ERBB4: variants seen among roughly 807,000 people sequenced by gnomAD.
ERBB4 encodes receptor tyrosine-protein kinase erbB-4.
Under a neutral mutation model 158.0 loss-of-function variants are expected in ERBB4, and 42 were observed. The observed-to-expected ratio is 0.27, with a 90% CI of 0.21 to 0.34. The LOEUF (loss-of-function observed/expected upper bound fraction) is 0.34, where lower values mean the gene tolerates loss of function less well. ERBB4 is among the 10% of genes least tolerant of loss of function. The pLI, the probability that ERBB4 is intolerant of heterozygous loss-of-function variation, is 1.00. For missense variants in ERBB4, 1,333 were observed against 1,624.1 expected (o/e 0.82, Z 3.08); for synonymous variants, 583 against 558.7 (o/e 1.04, Z -0.61).
intron 7 of ERBB4, among the ~76,000 whole-genome samples, chr2:211,719,805 A>C (rs2106113365): frequency 6.6e-6 from 1 of 151,160 alleles, no homozygotes; most frequent in African/African-American, 2.4e-5. Context: ...CAGTGAGCCG[A>C]GATCATACTA....
chr2:212,209,121 A>T (rs2082854209), intron 1 of ERBB4, among the ~76,000 whole-genome samples: 1 of 152,132 alleles, frequency 6.6e-6, no homozygotes, highest in African/African-American at 2.4e-5. Flanking sequence ...ATTTCTTCAC[A>T]TGCAGACTCA....
chr2:212,030,974 A>G (rs953927793), intron 2 of ERBB4, among the ~76,000 whole-genome samples: 1 of 152,092 alleles, frequency 6.6e-6, no homozygotes, highest in African/African-American at 2.4e-5. Flanking sequence ...ACACCAGGCT[A>G]CCATTCCAGC....
intron 4 of ERBB4, among the ~76,000 whole-genome samples, chr2:211,784,984 C>A (rs2076123112): frequency 6.6e-6 from 1 of 151,730 alleles, no homozygotes; most frequent in Non-Finnish European, 1.5e-5. Flanking sequence ...GTTGCAGGTT[C>A]TACATATATT....
chr2:212,146,285 C>A (rs1323386777), intron 1 of ERBB4, among the ~76,000 whole-genome samples: 1 of 152,168 alleles, frequency 6.6e-6, no homozygotes, highest in African/African-American at 2.4e-5. Flanking sequence ...TGCAAACTGC[C>A]TTGCTGGGAC....
At chr2:211,624,492 A>G (rs1433966158) in intron 17 of ERBB4, among the ~76,000 whole-genome samples, 1 of 152,150 alleles carries the variant, frequency 6.6e-6, no homozygotes, top group African/African-American at 2.4e-5. Context: ...CTTCTTGTTA[A>G]ATATAGGTCC....
intron 16 of ERBB4, 137 bp from the exon 17 acceptor site, chr2:211,630,731 T>C: frequency 1.2e-6 from 1 of 822,882 alleles, no homozygotes; most frequent in Non-Finnish European, 1.9e-6. Context: ...AATATAAAAG[T>C]GCATTAGGTT....
chr2:212,412,318 G>A (rs2091522467), intron 1 of ERBB4, among the ~76,000 whole-genome samples: 1 of 152,208 alleles, frequency 6.6e-6, no homozygotes, highest in South Asian at 2.1e-4. Context: ...GGTGGGGCCT[G>A]ATGGCAGGTG....
At chr2:212,226,158 C>T (rs10048750) in intron 1 of ERBB4, among the ~76,000 whole-genome samples, 77,382 of 151,830 alleles carry the variant, frequency 0.51, 20,303 homozygotes, top group East Asian at 0.76. Flanking sequence ...GGCTAGGACC[C>T]CAGAATGGCC....
chr2:212,137,804 CT>C (rs1343862482), intron 1 of ERBB4, among the ~76,000 whole-genome samples: 2 of 152,178 alleles, frequency 1.3e-5, no homozygotes, highest in East Asian at 3.9e-4. Flanking sequence ...TGTATAAGCA[CT>C]CCTCCTGCTG....
At chr2:212,483,016 A>C (rs1378992953) in intron 1 of ERBB4, among the ~76,000 whole-genome samples, 1 of 152,126 alleles carries the variant, frequency 6.6e-6, no homozygotes, top group Non-Finnish European at 1.5e-5. Flanking sequence ...TCTTGCCACC[A>C]TATAGTTCTG....
intron 5 of ERBB4, among the ~76,000 whole-genome samples, chr2:211,743,991 G>C (rs557272684): frequency 2.0e-5 from 3 of 152,160 alleles, no homozygotes; most frequent in African/African-American, 7.2e-5. Flanking sequence ...TAGAAAATCA[G>C]ACTCATGAGT....
intron 1 of ERBB4, among the ~76,000 whole-genome samples, chr2:212,398,663 A>ATACATTT (rs376647091): frequency 1.8e-4 from 28 of 152,316 alleles, no homozygotes; most frequent in African/African-American, 6.5e-4. Flanking sequence ...TTGTTACTAA[A>ATACATTT]ACAATTGTAT....
At chr2:211,991,982 G>A (rs2125255820) in intron 2 of ERBB4, among the ~76,000 whole-genome samples, 1 of 152,216 alleles carries the variant, frequency 6.6e-6, no homozygotes, top group East Asian at 1.9e-4. Context: ...CAGAGTCTTA[G>A]CAAATTAAAA....
chr2:212,059,695 G>T (rs1394373211), intron 2 of ERBB4, among the ~76,000 whole-genome samples: 1 of 152,146 alleles, frequency 6.6e-6, no homozygotes, highest in Non-Finnish European at 1.5e-5. Flanking sequence ...AATGGAGAAA[G>T]ATTCCCTATT....
intron 7 of ERBB4, among the ~76,000 whole-genome samples, chr2:211,721,891 C>T (rs926670495): frequency 1.3e-5 from 2 of 152,028 alleles, no homozygotes; most frequent in African/African-American, 4.8e-5. Context: ...GAGATGGAGT[C>T]TCTCTCTGTC....
At chr2:211,990,833 G>T (rs957188714) in intron 2 of ERBB4, among the ~76,000 whole-genome samples, 1 of 151,870 alleles carries the variant, frequency 6.6e-6, no homozygotes, top group African/African-American at 2.4e-5. Context: ...CAACAGGAGT[G>T]CCAGATTAGA....
At chr2:211,773,598 T>TTATATATATATATA (rs1171015959) in intron 4 of ERBB4, among the ~76,000 whole-genome samples, 17 of 29,772 alleles carry the variant, frequency 5.7e-4, no homozygotes, top group Non-Finnish European at 8.8e-4. Context: ...TTCTGTAACT[T>TTATATATATATATA]TATATATATA....
At chr2:212,452,903 T>C (rs1180462826) in intron 1 of ERBB4, among the ~76,000 whole-genome samples, 1 of 152,194 alleles carries the variant, frequency 6.6e-6, no homozygotes, top group Non-Finnish European at 1.5e-5. Context: ...AAGGTAGCAT[T>C]ACTAATATAG....
intron 20 of ERBB4, among the ~76,000 whole-genome samples, chr2:211,454,671 T>C (rs570940830): frequency 1.3e-5 from 2 of 152,180 alleles, no homozygotes; most frequent in Non-Finnish European, 2.9e-5. Context: ...CAGGGGGTTA[T>C]TGGTTTAATT....
Sources: gnomAD v4.1 joint callset for allele counts (sites outside exome capture counted in the v4.1 genomes callset) on GRCh38, gnomAD v4.1.1 for gene constraint, MANE v1.5 for transcripts, NCBI Gene and HGNC (gene_info 2026-07-23, HGNC 2026-07-21) for gene names.